The following ADGRL3 variants were observed in gnomAD, a reference collection of about 807,000 sequenced individuals.
ADGRL3 encodes the protein calcium-independent alpha-latrotoxin receptor 3.
A neutral mutation model predicts 153.5 loss-of-function variants in ADGRL3; 62 were observed. The observed-to-expected ratio is 0.40, with a 90% CI of 0.33 to 0.50. ADGRL3 has a LOEUF of 0.50. Among genes scored for constraint, ADGRL3 ranks in the 20% least tolerant of loss-of-function variants. The probability of loss-of-function intolerance (pLI) is 0.47; values close to 1 mark genes in which losing one functional copy is unlikely to be tolerated. For synonymous variants in ADGRL3, 710 were observed against 672.5 expected, an observed-to-expected ratio of 1.06 and a Z score of -0.86; for missense variants, 1,641 against 1,859.4, an observed-to-expected ratio of 0.88 and a Z score of 2.16.
chr4:62,045,733 A>G (rs952681486), intron 25 of ADGRL3, among the ~76,000 whole-genome samples: 6 of 151,976 alleles, frequency 3.9e-5, no homozygotes, highest in Admixed American at 3.9e-4. Flanking sequence ...GTAACTATAA[A>G]CTAGTGATGA....
intron 9 of ADGRL3, among the ~76,000 whole-genome samples, chr4:61,814,717 G>T (rs926405054): frequency 1.3e-5 from 2 of 151,974 alleles, no homozygotes; most frequent in African/African-American, 2.4e-5. Context: ...TCCTCTCCTG[G>T]GAGTCTCTTA....
chr4:61,986,857 A>G (rs2099087237), intron 19 of ADGRL3, among the ~76,000 whole-genome samples: 1 of 152,186 alleles, frequency 6.6e-6, no homozygotes, highest in Admixed American at 6.5e-5. Flanking sequence ...CATGCAATCC[A>G]ACATCTATAC....
At chr4:61,912,340 A>G (rs188965786) in intron 12 of ADGRL3, among the ~76,000 whole-genome samples, 2 of 152,334 alleles carry the variant, frequency 1.3e-5, no homozygotes, top group Admixed American at 1.3e-4. Context: ...CAAACTTCTG[A>G]TGCAATTTCC....
At chr4:61,553,728 C>A (rs1185737263) in intron 4 of ADGRL3, among the ~76,000 whole-genome samples, 2 of 151,940 alleles carry the variant, frequency 1.3e-5, no homozygotes, top group African/African-American at 2.4e-5. Flanking sequence ...AAATGTCTTG[C>A]CCAGTGGGAG....
intron 2 of ADGRL3, chr4:61,427,782 G>C (rs1455240370): frequency 6.5e-6 from 1 of 152,698 alleles, no homozygotes; most frequent in Admixed American, 6.5e-5. Flanking sequence ...CGGATCTCCA[G>C]GCGCTCTGCT....
chr4:61,789,187 A>C (rs899032150), intron 8 of ADGRL3, among the ~76,000 whole-genome samples: 1 of 152,174 alleles, frequency 6.6e-6, no homozygotes, highest in Non-Finnish European at 1.5e-5. Flanking sequence ...TATACTGATT[A>C]GAATGAAAAG....
At chr4:61,279,548 A>G (rs979575655) in intron 1 of ADGRL3, among the ~76,000 whole-genome samples, 4 of 152,166 alleles carry the variant, frequency 2.6e-5, no homozygotes, top group Non-Finnish European at 5.9e-5. Flanking sequence ...CTAGCCCTTC[A>G]TCTATAAGAT....
At chr4:61,415,232 G>C (rs1304956263) in intron 2 of ADGRL3, among the ~76,000 whole-genome samples, 1 of 151,664 alleles carries the variant, frequency 6.6e-6, no homozygotes, top group Non-Finnish European at 1.5e-5. Context: ...TAAAACACTA[G>C]ATTTATTTAT....
At chr4:61,929,102 G>A (rs941997446) in intron 13 of ADGRL3, among the ~76,000 whole-genome samples, 7 of 152,126 alleles carry the variant, frequency 4.6e-5, no homozygotes, top group Non-Finnish European at 2.9e-5. Context: ...TAATTCATGT[G>A]TTGAAACTTA....
chr4:61,568,761 T>G (rs1015060033), intron 4 of ADGRL3, among the ~76,000 whole-genome samples: 1 of 152,206 alleles, frequency 6.6e-6, no homozygotes, highest in Non-Finnish European at 1.5e-5. Context: ...TTCTGCCATT[T>G]GCTTCTATAA....
At chr4:61,526,970 C>T (rs1022755484) in intron 4 of ADGRL3, among the ~76,000 whole-genome samples, 2 of 151,562 alleles carry the variant, frequency 1.3e-5, no homozygotes, top group South Asian at 2.1e-4. Context: ...ACACTATGGC[C>T]GAAATATTTG....
intron 9 of ADGRL3, among the ~76,000 whole-genome samples, chr4:61,877,429 A>C (rs1292058104): frequency 6.6e-6 from 1 of 152,228 alleles, no homozygotes; most frequent in Non-Finnish European, 1.5e-5. Flanking sequence ...GTAGCACAAC[A>C]CAATTCTTTA....
intron 1 of ADGRL3, among the ~76,000 whole-genome samples, chr4:61,366,612 TTGAC>T (rs1200828529): frequency 7.2e-5 from 11 of 152,344 alleles, no homozygotes; most frequent in Admixed American, 5.2e-4. Context: ...TTGACTGTCT[TTGAC>T]TGCAGTGAAG....
intron 6 of ADGRL3, among the ~76,000 whole-genome samples, chr4:61,710,903 A>G (rs1263409963): frequency 6.6e-6 from 1 of 152,178 alleles, no homozygotes; most frequent in Non-Finnish European, 1.5e-5. Flanking sequence ...TTCAACTGGT[A>G]TCTCACATGC....
intron 21 of ADGRL3, among the ~76,000 whole-genome samples, chr4:62,007,012 C>T (rs1358221645): frequency 1.3e-5 from 2 of 152,082 alleles, no homozygotes; most frequent in South Asian, 2.1e-4. Context: ...AAAGCTCTTA[C>T]ATCATCCTCA....
At chr4:61,775,350 G>C (rs571170617) in intron 8 of ADGRL3, 87 of 353,972 alleles carry the variant, frequency 2.5e-4, no homozygotes, top group African/African-American at 1.7e-3. Context: ...ACAAATTCAA[G>C]TTCCCAGTTT....
intron 1 of ADGRL3, among the ~76,000 whole-genome samples, chr4:61,331,943 T>C (rs2095581295): frequency 6.6e-6 from 1 of 152,070 alleles, no homozygotes; most frequent in Non-Finnish European, 1.5e-5. Context: ...GTATAGTCAG[T>C]GTTCTGTAGG....
chr4:61,879,845 G>A (rs1388562121), intron 9 of ADGRL3, among the ~76,000 whole-genome samples: 3 of 151,618 alleles, frequency 2.0e-5, no homozygotes, highest in Non-Finnish European at 4.4e-5. Flanking sequence ...TCAGCCTCTC[G>A]AATAGCTGGG....
At position 61,847,748 on chromosome 4, in the gene ADGRL3, A is replaced by G. The variant is rs1245520744; in HGVS notation, c.1480+33859A>G. Among the ~76,000 whole-genome samples, 6 of 41,104 alleles carry G rather than the reference A, an allele frequency of 1.5e-4. 1 individual carries two copies. Among genetic ancestry groups the G allele is most frequent in the Non-Finnish European group, 2.5e-4 (6 of 23,568 alleles). The allele number at this position is 41,104 out of a possible 152,430, so 27.0% of individuals were successfully genotyped here. A position where few individuals can be genotyped will look rare whatever the true frequency, so the allele number is the denominator to read the frequency against. On this transcript the variant is annotated intron_variant, in intron 9 of 26. Transcript: ENST00000683033. ...ATATTATATATATAATACAAAATAT[A>G]TTATATATAATACAAAATATATATA...
Sources: allele counts gnomAD v4.1 joint callset (sites outside exome capture counted in the v4.1 genomes callset), GRCh38; gene constraint gnomAD v4.1.1; transcripts MANE v1.5; gene names NCBI Gene and HGNC (gene_info 2026-07-23, HGNC 2026-07-21).